Variants in NELL1 observed in about 807,000 individuals in gnomAD.
NELL1 encodes the protein protein kinase C-binding protein NELL1.
A neutral mutation model predicts 107.4 loss-of-function variants in NELL1; 76 were observed. That is an observed-to-expected ratio of 0.71 (90% CI 0.59 to 0.86). NELL1 has a LOEUF of 0.86. Among genes scored for constraint, NELL1 ranks in the 40% least tolerant of loss-of-function variants. The probability of loss-of-function intolerance (pLI) is 0.00; values close to 1 mark genes in which losing one functional copy is unlikely to be tolerated. For missense variants in NELL1, 1,024 were observed against 1,005.5 expected, an observed-to-expected ratio of 1.02 and a Z score of -0.25; for synonymous variants, 353 against 341.2, an observed-to-expected ratio of 1.03 and a Z score of -0.38.
intron 13 of NELL1, among the ~76,000 whole-genome samples, chr11:21,164,152 A>T (rs556756901): frequency 1.1e-3 from 169 of 152,302 alleles, no homozygotes; most frequent in Middle Eastern, 0.01. Flanking sequence ...TCTGTTGTTT[A>T]AGTCTGTGGT....
At chr11:20,943,700 A>G (rs951437431) in intron 10 of NELL1, among the ~76,000 whole-genome samples, 1 of 152,188 alleles carries the variant, frequency 6.6e-6, no homozygotes, top group African/African-American at 2.4e-5. Context: ...AAGGCCACAT[A>G]GGTAGTGAGT....
At chr11:21,001,767 G>A (rs749503826) in intron 12 of NELL1, among the ~76,000 whole-genome samples, 7 of 151,674 alleles carry the variant, frequency 4.6e-5, no homozygotes, top group Non-Finnish European at 7.4e-5. Flanking sequence ...GGTGGATTCT[G>A]TCTTCCTCTT....
At chr11:21,557,949 A>T (rs191470257) in intron 16 of NELL1, among the ~76,000 whole-genome samples, 1 of 151,928 alleles carries the variant, frequency 6.6e-6, no homozygotes, top group African/African-American at 2.4e-5. Flanking sequence ...CAATGAGCTC[A>T]CTCTCTCTGG....
At chr11:20,833,031 G>A (rs541847484) in intron 3 of NELL1, among the ~76,000 whole-genome samples, 1 of 152,216 alleles carries the variant, frequency 6.6e-6, no homozygotes, top group East Asian at 1.9e-4. Context: ...TATGGGTAGT[G>A]GAAATTTCAG....
At position 21,047,470 on chromosome 11, in the gene NELL1, A is replaced by T. The variant is rs534052036; in HGVS notation, c.1301-66119A>T. ...AAATGACTTCTTGATGTCATGTAAT[A>T]TGCTAATAGCTTTTCTAATGTCAAG... On this transcript the variant is annotated intron_variant, in intron 12 of 19. Coordinates refer to ENST00000357134, the MANE Select transcript of NELL1 (RefSeq NM_006157.5). Among the ~76,000 whole-genome samples, 4 of 152,328 alleles carry T rather than the reference A, an allele frequency of 2.6e-5. No homozygotes were observed. The South Asian group carries it at 6.2e-4, about 24-fold the overall frequency.
At chr11:21,333,463 A>T (rs561796722) in intron 14 of NELL1, among the ~76,000 whole-genome samples, 56 of 152,226 alleles carry the variant, frequency 3.7e-4, no homozygotes, top group African/African-American at 1.3e-3. Flanking sequence ...GTAGACAAGG[A>T]TGAAGTCATA....
chr11:21,538,752 G>GAAGAACTA (rs1856211026), intron 16 of NELL1, among the ~76,000 whole-genome samples: 1 of 152,062 alleles, frequency 6.6e-6, no homozygotes, highest in Non-Finnish European at 1.5e-5. Context: ...TTAGAAATGA[G>GAAGAACTA]AAGAACTAAT....
At chr11:21,340,443 C>T (rs1277686942) in intron 14 of NELL1, among the ~76,000 whole-genome samples, 8 of 152,222 alleles carry the variant, frequency 5.3e-5, no homozygotes, top group Non-Finnish European at 7.4e-5. Flanking sequence ...TGAGCCACCG[C>T]GCCCAGCCAG....
chr11:20,898,805 G>T (rs1288377356), intron 5 of NELL1, among the ~76,000 whole-genome samples: 1 of 151,264 alleles, frequency 6.6e-6, no homozygotes, highest in South Asian at 2.1e-4. Flanking sequence ...CCATATTTTT[G>T]CTTTCACAAG....
chr11:20,816,936 A>G (rs1289578090), intron 3 of NELL1, among the ~76,000 whole-genome samples: 1 of 152,186 alleles, frequency 6.6e-6, no homozygotes. Context: ...TATGTGTTAA[A>G]TCACATTTGT....
At chr11:20,693,556 G>T (rs1010231155) in intron 2 of NELL1, among the ~76,000 whole-genome samples, 12 of 152,070 alleles carry the variant, frequency 7.9e-5, no homozygotes, top group Middle Eastern at 3.4e-3. Flanking sequence ...GCTTAGTTTG[G>T]CTGGATATGA....
chr11:21,161,000 TACACACACACACACAC>T (rs72029062), intron 13 of NELL1, among the ~76,000 whole-genome samples: 12 of 143,138 alleles, frequency 8.4e-5, no homozygotes, highest in Admixed American at 2.9e-4. Flanking sequence ...CTAGCCTTTA[TACACACACACACACAC>T]ACACACACAC....
chr11:21,525,679 T>TG (rs1460142432), intron 15 of NELL1, among the ~76,000 whole-genome samples: 1 of 152,198 alleles, frequency 6.6e-6, no homozygotes, highest in Non-Finnish European at 1.5e-5. Flanking sequence ...TCCACATGGC[T>TG]GGGGAGGCCT....
At chr11:20,867,318 C>G (rs545513000) in intron 4 of NELL1, among the ~76,000 whole-genome samples, 3 of 152,222 alleles carry the variant, frequency 2.0e-5, no homozygotes, top group African/African-American at 7.2e-5. Flanking sequence ...ATGATTGACT[C>G]TACGTCATGG....
intron 14 of NELL1, among the ~76,000 whole-genome samples, chr11:21,364,376 A>T (rs1411723164): frequency 1.6e-5 from 2 of 126,510 alleles, no homozygotes; most frequent in Non-Finnish European, 3.1e-5. Context: ...ACACCATGGC[A>T]TTCCAGCCTG....
chr11:20,925,055 G>A (rs1252458914), intron 7 of NELL1, among the ~76,000 whole-genome samples: 1 of 152,054 alleles, frequency 6.6e-6, no homozygotes, highest in Non-Finnish European at 1.5e-5. Context: ...AAGTGTATAG[G>A]AGGATGTGCA....
At chr11:21,565,812 G>A (rs959146603) in intron 17 of NELL1, among the ~76,000 whole-genome samples, 1 of 151,872 alleles carries the variant, frequency 6.6e-6, no homozygotes, top group Admixed American at 6.6e-5. Context: ...TGGATAAAAT[G>A]ACTGCTAAAT....
At chr11:21,135,372 A>G (rs1162085223) in intron 13 of NELL1, among the ~76,000 whole-genome samples, 2 of 152,224 alleles carry the variant, frequency 1.3e-5, no homozygotes, top group East Asian at 1.9e-4. Flanking sequence ...AGAAGTGTGT[A>G]ATTGTCTGGT....
At chr11:20,776,477 T>A (rs116493299) in intron 2 of NELL1, among the ~76,000 whole-genome samples, 3,526 of 150,954 alleles carry the variant, frequency 0.023, 42 homozygotes, top group South Asian at 0.044. Flanking sequence ...AAATAAAATT[T>A]TATATATATA....
Sources: allele counts gnomAD v4.1 joint callset (sites outside exome capture counted in the v4.1 genomes callset), GRCh38; gene constraint gnomAD v4.1.1; transcripts MANE v1.5; gene names NCBI Gene and HGNC (gene_info 2026-07-23, HGNC 2026-07-21).